Variants in ADGRA3 observed in about 807,000 individuals in gnomAD.
ADGRA3 encodes the protein G-protein coupled receptor 125.
ADGRA3 carries 56 observed loss-of-function variants against 119.8 expected under a neutral mutation model. That is an observed-to-expected ratio of 0.47 (90% CI 0.38 to 0.58). ADGRA3 has a LOEUF of 0.58. Ranked by LOEUF, ADGRA3 falls within the 20% of genes least tolerant of loss-of-function variation. ADGRA3 has a pLI of 0.00. For synonymous variants in ADGRA3, 607 were observed against 623.8 expected (o/e 0.97, Z 0.40); for missense variants, 1,516 against 1,649.0 (o/e 0.92, Z 1.40).
chr4:22,475,819 G>A (rs1718024909), intron 1 of ADGRA3, among the ~76,000 whole-genome samples: 1 of 152,088 alleles, frequency 6.6e-6, no homozygotes, highest in South Asian at 2.1e-4. Context: ...CTACACACTG[G>A]GTGCAGTGTA....
chr4:22,446,557 C>T (rs141290916), intron 5 of ADGRA3, among the ~76,000 whole-genome samples: 9 of 152,196 alleles, frequency 5.9e-5, no homozygotes, highest in African/African-American at 2.2e-4. Context: ...GAAGTACACA[C>T]ACATGCCTGC....
Position 22,389,085 on chromosome 4 carries a change from C to T in ADGRA3, c.2723+3G>A, listed in dbSNP as rs765752757. 1.2e-5 allele frequency: 20 copies of T among 1,613,236 alleles called. No homozygotes were observed. The South Asian group carries it at 2.2e-4, about 18-fold the overall frequency. On this transcript the variant is annotated splice_donor_region_variant and intron_variant, in intron 18 of 18. Coordinates refer to ENST00000334304, the MANE Select transcript of ADGRA3 (RefSeq NM_145290.4). ...AAGTACACAGAGAATATAAAATACT[C>T]ACTAGGGTGCGTTTGGCCGACTGCC...
At chr4:22,432,128 A>AC (rs927384364) in intron 10 of ADGRA3, among the ~76,000 whole-genome samples, 6 of 151,520 alleles carry the variant, frequency 4.0e-5, no homozygotes, top group Non-Finnish European at 8.8e-5. Flanking sequence ...AAAAGTTAAA[A>AC]CCCCCCACCT....
At chr4:22,502,967 T>C (rs190956500) in intron 1 of ADGRA3, among the ~76,000 whole-genome samples, 20 of 151,006 alleles carry the variant, frequency 1.3e-4, no homozygotes, top group Non-Finnish European at 2.5e-4. Flanking sequence ...GCTTACATGC[T>C]AGACTCTAGG....
rs188765173 is a variant in ADGRA3, at chr4:22,435,558, C to T, written c.1288-92G>A. 15 of 1,146,572 alleles carry T rather than the reference C, an allele frequency of 1.3e-5. No homozygotes were observed. The East Asian group carries it at 3.0e-4, about 23-fold the overall frequency. 71.0% of individuals were successfully genotyped at this position (1,146,572 alleles called of 1,614,324 possible). On this transcript the variant is annotated intron_variant, in intron 9 of 18. Transcript: ENST00000334304. ...ATTTTAACTTTGCATTTCAAAACAGCAACGAATTAAAAACTTTATTATTTA... is the reference window on the plus strand; with the variant it reads ...ATTTTAACTTTGCATTTCAAAACAGTAACGAATTAAAAACTTTATTATTTA...
At position 22,507,751 on chromosome 4, in the gene ADGRA3, C is replaced by T. The variant is rs1030758611; in HGVS notation, c.257+7777G>A. Among the ~76,000 whole-genome samples the T allele has an allele frequency of 2.0e-5, 3 of 152,098 alleles. No homozygotes were observed. In the East Asian group the frequency reaches 5.8e-4, roughly 29 times the overall value. On this transcript the variant is annotated intron_variant, in intron 1 of 18. Transcript: ENST00000334304. ...TTCATGGACCAAATGCCAAACTGTG[C>T]CCCCAATCCTGCAAGATTTCTGAGC... is the stretch of plus-strand genomic sequence containing the variant.
At chr4:22,494,708 T>C (rs1718751122) in intron 1 of ADGRA3, among the ~76,000 whole-genome samples, 1 of 152,048 alleles carries the variant, frequency 6.6e-6, no homozygotes, top group South Asian at 2.1e-4. Context: ...ACTAAAGTTA[T>C]ACAGTCAAAA....
intron 3 of ADGRA3, among the ~76,000 whole-genome samples, chr4:22,458,639 T>C (rs913849399): frequency 1.3e-5 from 2 of 152,164 alleles, no homozygotes; most frequent in African/African-American, 4.8e-5. Context: ...TCATTTTGAT[T>C]ACGCTGCTAC....
Position 22,428,862 on chromosome 4 carries a change from C to G in ADGRA3, c.1444-4510G>C, listed in dbSNP as rs190656862. ...TATTCAACAAGAGTCTGACTGCAAT[C>G]ATCATCAGGGTTATGGCAAAGGTTA... On this transcript the variant is annotated intron_variant, in intron 10 of 18. Transcript: ENST00000334304. 1.1e-3 allele frequency among the ~76,000 whole-genome samples: 166 copies of G among 152,248 alleles called. 1 individual carries two copies. The highest frequency in any genetic ancestry group is 3.8e-3 in the African/African-American group (156 of 41,548).
At chr4:22,472,238 C>A (rs911759495) in intron 2 of ADGRA3, among the ~76,000 whole-genome samples, 16 of 152,132 alleles carry the variant, frequency 1.1e-4, no homozygotes, top group Admixed American at 6.5e-5. Context: ...CTTTTCTTTG[C>A]AGGGAACAGA....
chr4:22,402,923 A>T, intron 14 of ADGRA3, 124 bp from the exon 15 acceptor site: 1 of 864,060 alleles, frequency 1.2e-6, no homozygotes, highest in Non-Finnish European at 1.8e-6. Flanking sequence ...TCTTTATTTT[A>T]TTCAGACTAA....
chr4:22,411,656 G>C (rs1560302722), intron 14 of ADGRA3, among the ~76,000 whole-genome samples: 1 of 152,046 alleles, frequency 6.6e-6, no homozygotes, highest in Admixed American at 6.6e-5. Flanking sequence ...TGAACTTATA[G>C]AAACCAGACT....
At chr4:22,390,003 T>C (rs1005245190) in intron 17 of ADGRA3, among the ~76,000 whole-genome samples, 23 of 152,208 alleles carry the variant, frequency 1.5e-4, no homozygotes, top group Admixed American at 1.5e-3. Context: ...TTCTTCCTTG[T>C]ACCTAGTTAC....
intron 1 of ADGRA3, among the ~76,000 whole-genome samples, chr4:22,497,796 C>T (rs1718894542): frequency 6.9e-6 from 1 of 144,274 alleles, no homozygotes; most frequent in African/African-American, 2.6e-5. Context: ...ATCAAGTGTT[C>T]AGGCCGGGTG....
intron 1 of ADGRA3, among the ~76,000 whole-genome samples, chr4:22,493,324 T>A (rs1718697066): frequency 6.6e-6 from 1 of 152,172 alleles, no homozygotes; most frequent in African/African-American, 2.4e-5. Flanking sequence ...AATAATTAAG[T>A]TTCTAAAAGA....
chr4:22,509,066 G>C (rs1460563845), intron 1 of ADGRA3, among the ~76,000 whole-genome samples: 2 of 152,128 alleles, frequency 1.3e-5, no homozygotes, highest in African/African-American at 4.8e-5. Context: ...GATTGCACCA[G>C]GTTCAAGAAG....
At chr4:22,501,194 T>C (rs1022515212) in intron 1 of ADGRA3, among the ~76,000 whole-genome samples, 1 of 152,142 alleles carries the variant, frequency 6.6e-6, no homozygotes, top group Non-Finnish European at 1.5e-5. Flanking sequence ...AGCCTATGGG[T>C]TCTGTTTCTC....
chr4:22,513,905 A>G (rs1007564149), intron 1 of ADGRA3, among the ~76,000 whole-genome samples: 11 of 149,504 alleles, frequency 7.4e-5, no homozygotes, highest in African/African-American at 2.7e-4. Context: ...ATAGTTACTT[A>G]TATTTTAACC....
rs532034590 is a variant in ADGRA3 at position 22,501,129 on chromosome 4, A to G, written c.257+14399T>C. The stretch of plus-strand genomic sequence containing the variant: ...GCTACAGATCATGGGACTTCCTTAT[A>G]ACCATGTGAGCCAACACCTACAAGA... On this transcript the variant is annotated intron_variant, in intron 1 of 18. Coordinates refer to ENST00000334304, the MANE Select transcript of ADGRA3 (RefSeq NM_145290.4). Among the ~76,000 whole-genome samples, 289 of 152,224 alleles carry G rather than the reference A, an allele frequency of 1.9e-3. 2 individuals are homozygous for G. Among genetic ancestry groups the G allele is most frequent in the African/African-American group, 6.6e-3 (276 of 41,544 alleles).
Sources: gnomAD v4.1 joint callset for allele counts (sites outside exome capture counted in the v4.1 genomes callset) on GRCh38, gnomAD v4.1.1 for gene constraint, MANE v1.5 for transcripts, NCBI Gene and HGNC (gene_info 2026-07-23, HGNC 2026-07-21) for gene names.